Variants in VAC14 observed in about 807,000 individuals in gnomAD.
VAC14 encodes VAC14 component of PIKFYVE complex.
VAC14 carries 47 observed loss-of-function variants against 85.3 expected under a neutral mutation model. That is an observed-to-expected ratio of 0.55 (90% CI 0.44 to 0.70). The LOEUF (loss-of-function observed/expected upper bound fraction) is 0.70, where lower values mean the gene tolerates loss of function less well. VAC14 is among the 30% of genes least tolerant of loss of function. The pLI is 0.00. For synonymous variants in VAC14, 447 were observed against 430.5 expected, an observed-to-expected ratio of 1.04 and a Z score of -0.47; for missense variants, 861 against 1,004.3, an observed-to-expected ratio of 0.86 and a Z score of 1.93.
At chr16:70,785,265 T>A (rs560085833) in intron 3 of VAC14, among the ~76,000 whole-genome samples, 60 of 152,206 alleles carry the variant, frequency 3.9e-4, no homozygotes, top group Non-Finnish European at 7.5e-4. Context: ...ATTGCAGGGC[T>A]GCTCCGCGCC....
chr16:70,692,043 T>C, intron 18 of VAC14: 1 of 983,950 alleles, frequency 1.0e-6, no homozygotes. Context: ...CTGGTTTCCA[T>C]GGCGACCTGA....
chr16:70,760,600 C>T (rs929266742), intron 12 of VAC14, among the ~76,000 whole-genome samples: 1 of 152,156 alleles, frequency 6.6e-6, no homozygotes, highest in Non-Finnish European at 1.5e-5. Flanking sequence ...TGCAGGCCCA[C>T]AAGACGTGCC....
At chr16:70,741,565 T>A (rs1241221961) in intron 13 of VAC14, among the ~76,000 whole-genome samples, 1 of 152,216 alleles carries the variant, frequency 6.6e-6, no homozygotes, top group African/African-American at 2.4e-5. Context: ...GAGTCTCAGG[T>A]TAAGAGCTCC....
chr16:70,713,374 A>G (rs1054334386), intron 14 of VAC14, among the ~76,000 whole-genome samples: 4 of 152,244 alleles, frequency 2.6e-5, no homozygotes, highest in African/African-American at 9.6e-5. Flanking sequence ...CGCTGACCAC[A>G]GTTCCGCCCT....
At chr16:70,727,426 G>T (rs998455759) in intron 14 of VAC14, among the ~76,000 whole-genome samples, 1 of 152,124 alleles carries the variant, frequency 6.6e-6, no homozygotes, top group Non-Finnish European at 1.5e-5. Flanking sequence ...TGCAACCTCC[G>T]CCTCCTGGGT....
Position 70,687,561 on chromosome 16 carries a change from G to A in VAC14, c.*367C>T, listed in dbSNP as rs753999045. The stretch of plus-strand genomic sequence containing the variant: ...CACACACACACAGGCATGTGTTCAC[G>A]TATGTATACATATACACACAAGGCC... On this transcript the variant is annotated 3_prime_UTR_variant, in exon 19 of 19. Coordinates refer to ENST00000261776, the MANE Select transcript of VAC14 (RefSeq NM_018052.5). The A allele has an allele frequency of 5.8e-4, 104 of 180,768 alleles. No individual in the cohort carries two copies. Among genetic ancestry groups the A allele is most frequent in the Admixed American group, 1.4e-3 (22 of 16,120 alleles). The allele number at this position is 180,768 out of a possible 1,614,324, so 11.2% of individuals were successfully genotyped here.
rs542970159 is a variant in VAC14, at chr16:70,797,912, C to T, written c.104+2885G>A. Among the ~76,000 whole-genome samples the T allele has an allele frequency of 2.0e-5, 3 of 152,276 alleles. No individual in the cohort carries two copies. In the East Asian group the frequency reaches 5.8e-4, roughly 29 times the overall value. ...TGATTGGAAGCATCCTGAGGCCCCG[C>T]CAGAAGCAGAAGCCGCTATGCTTTC... On this transcript the variant is annotated intron_variant, in intron 1 of 18. Coordinates refer to ENST00000261776, the MANE Select transcript of VAC14 (RefSeq NM_018052.5).
chr16:70,715,181 G>A (rs2054136954), intron 14 of VAC14: 1 of 152,286 alleles, frequency 6.6e-6, no homozygotes, highest in African/African-American at 2.4e-5. Context: ...GGGCTTCTGA[G>A]CAGACTGCTT....
chr16:70,710,812 T>C (rs2054017678), intron 14 of VAC14, among the ~76,000 whole-genome samples: 1 of 152,214 alleles, frequency 6.6e-6, no homozygotes, highest in Non-Finnish European at 1.5e-5. Flanking sequence ...CGTGTCAACA[T>C]TTCCCTCCCC....
At position 70,783,327 on chromosome 16, in the gene VAC14, G is replaced by C. The variant is rs982981517; in HGVS notation, c.704+118C>G. ...GCTCCTCAAAGCGGGAAGCACAAGA[G>C]CCAGGAAGAAGAGGTGATTTCCTGC... On this transcript the variant is annotated intron_variant, in intron 6 of 18. Transcript: ENST00000261776. 6 of 1,127,494 alleles carry C rather than the reference G, an allele frequency of 5.3e-6. No individual in the cohort carries two copies. The Admixed American group carries it at 5.7e-5, about 11-fold the overall frequency. 69.8% of individuals were successfully genotyped at this position (1,127,494 alleles called of 1,614,324 possible).
intron 14 of VAC14, among the ~76,000 whole-genome samples, chr16:70,723,094 C>G (rs375442672): frequency 6.6e-6 from 1 of 151,986 alleles, no homozygotes; most frequent in African/African-American, 2.4e-5. Flanking sequence ...AGGTGGTACA[C>G]GCCTGTAATT....
chr16:70,786,432 G>T, intron 1 of VAC14, 67 bp from the exon 2 acceptor site: 1 of 1,579,362 alleles, frequency 6.3e-7, no homozygotes, highest in Non-Finnish European at 8.6e-7. Context: ...AGGGCCTGGG[G>T]CGGCAATGAG....
rs770133876 is a variant in VAC14 at position 70,695,596 on chromosome 16, G to A, written c.1983C>T (p.Phe661=). 19 of 1,613,762 alleles carry A rather than the reference G, an allele frequency of 1.2e-5. No homozygotes were observed. Among genetic ancestry groups the A allele is most frequent in the Non-Finnish European group, 1.4e-5 (17 of 1,179,950 alleles). The change falls in exon 17 of 19, where the codon TTC becomes TTT. Residue 661 remains phenylalanine (F), a synonymous_variant. Coordinates refer to ENST00000261776, the MANE Select transcript of VAC14 (RefSeq NM_018052.5). ...GCACCAGCTTGTCCACCTCTGCGAGGAAGTCCACGGTGACCTCCAGGTCCC... is the reference window on the plus strand; with the variant it reads ...GCACCAGCTTGTCCACCTCTGCGAGAAAGTCCACGGTGACCTCCAGGTCCC... The part of the protein sequence containing the change: ...KFGDLEVTVD[F]LAEVDKLVQL...
chr16:70,693,652 G>T (rs2053645250), intron 17 of VAC14, among the ~76,000 whole-genome samples: 1 of 152,220 alleles, frequency 6.6e-6, no homozygotes, highest in Non-Finnish European at 1.5e-5. Context: ...CCCCGCTGGT[G>T]GCTGGCTGTA....
intron 10 of VAC14, 182 bp downstream of exon 10, chr16:70,771,927 G>C: frequency 1.7e-6 from 1 of 599,258 alleles, no homozygotes; most frequent in Non-Finnish European, 3.0e-6. Context: ...GCCTGGGTGG[G>C]GTGGGCTTGC....
At chr16:70,787,674 A>ACCACCCC (rs2034130875) in intron 1 of VAC14, among the ~76,000 whole-genome samples, 1 of 152,140 alleles carries the variant, frequency 6.6e-6, no homozygotes. Context: ...GTTTTCCTGG[A>ACCACCCC]AGTGGGATGG....
chr16:70,705,699 G>C (rs951528197), intron 14 of VAC14, among the ~76,000 whole-genome samples: 5 of 152,094 alleles, frequency 3.3e-5, no homozygotes, highest in African/African-American at 1.2e-4. Flanking sequence ...CTCTACTCCA[G>C]CCCTCACTGG....
intron 10 of VAC14, chr16:70,769,484 C>T (rs920209919): frequency 1.3e-5 from 2 of 152,302 alleles, no homozygotes; most frequent in African/African-American, 4.8e-5. Flanking sequence ...TTTTACAACT[C>T]TGAAGGTGCC....
Position 70,768,594 on chromosome 16 carries a change from G to A in VAC14, c.1160+3515C>T, listed in dbSNP as rs1019687944. 5 of 320,324 alleles carry A rather than the reference G, an allele frequency of 1.6e-5. No individual in the cohort carries two copies. The Admixed American group carries it at 1.8e-4, about 12-fold the overall frequency. 19.8% of individuals were successfully genotyped at this position (320,324 alleles called of 1,614,324 possible). ...GTGGCATTCTTCCATGGCTAAGCCT[G>A]GGGCCACCAGGGGCTTCCCGAGTAT... On this transcript the variant is annotated intron_variant, in intron 10 of 18. Transcript: ENST00000261776.
Sources: allele counts gnomAD v4.1 joint callset (sites outside exome capture counted in the v4.1 genomes callset), GRCh38; gene constraint gnomAD v4.1.1; transcripts MANE v1.5; gene names NCBI Gene and HGNC (gene_info 2026-07-23, HGNC 2026-07-21).